The following KDM4B variants were observed in gnomAD, a reference collection of about 807,000 sequenced individuals.
The protein encoded by KDM4B is lysine demethylase 4B.
KDM4B carries 32 observed loss-of-function variants against 125.2 expected under a neutral mutation model. The ratio of observed to expected loss-of-function variants is 0.26; its 90% CI spans 0.19 to 0.34. The LOEUF (loss-of-function observed/expected upper bound fraction) is 0.34. Among genes scored for constraint, KDM4B ranks in the 10% least tolerant of loss-of-function variants. The pLI is 1.00. For synonymous variants in KDM4B, 721 were observed against 677.9 expected, an observed-to-expected ratio of 1.06 and a Z score of -0.99; for missense variants, 1,190 against 1,577.7, an observed-to-expected ratio of 0.75 and a Z score of 4.16.
rs531833164 is a variant in KDM4B at position 5,114,940 on chromosome 19, G to C, written c.1115+4122G>C. Among the ~76,000 whole-genome samples the C allele has an allele frequency of 4.7e-4, 71 of 152,380 alleles. No homozygotes were observed. Among genetic ancestry groups the C allele is most frequent in the African/African-American group, 1.7e-3 (69 of 41,588 alleles). On this transcript the variant is annotated intron_variant, in intron 10 of 22. Transcript: ENST00000159111. The surrounding 1 kb of genome is among the most constrained non-coding windows in gnomAD (Gnocchi z 5.8). ...CATTTGGCTCATAGGAATGAGCCCA[G>C]CGGCGTCCAGTTAAGCCTGGCAGGC...
At chr19:5,017,704 G>T (rs2035935456) in intron 2 of KDM4B, among the ~76,000 whole-genome samples, 1 of 152,096 alleles carries the variant, frequency 6.6e-6, no homozygotes, top group Non-Finnish European at 1.5e-5. Context: ...AACCAAGTAA[G>T]CAACTTGCTC....
chr19:5,072,282 G>A (rs1437971482), intron 7 of KDM4B, among the ~76,000 whole-genome samples: 1 of 152,222 alleles, frequency 6.6e-6, no homozygotes, highest in African/African-American at 2.4e-5. Context: ...CAGGAGTCAC[G>A]TGGCTGTGCA....
Position 5,119,735 on chromosome 19 carries a change from C to A in KDM4B, c.1198C>A (p.Leu400Ile). The change falls in exon 11 of 23, where the codon CTC becomes ATC. Residue 400 changes from leucine (L) to isoleucine (I), a missense_variant. Physicochemically the swap from Leu to Ile is conservative, Grantham distance 5 (BLOSUM62 2). Transcript: ENST00000159111. ...FPGEGTAGAA[L>I]LEEAGGSVKE... is the part of the protein sequence containing the mutation. ...TGGGGAGGGTACGGCTGGGGCAGCG[C>A]TCCTAGAGGAGGCTGGGGGCAGCGT... is the stretch of plus-strand genomic sequence containing the variant. 6.4e-7 allele frequency: 1 copy of A among 1,550,450 alleles called. No individual in the cohort carries two copies. The highest frequency in any genetic ancestry group is 8.7e-7 in the Non-Finnish European group (1 of 1,146,882).
chr19:5,096,633 G>A (rs570307392), intron 9 of KDM4B, among the ~76,000 whole-genome samples: 3 of 150,332 alleles, frequency 2.0e-5, no homozygotes, highest in Admixed American at 1.3e-4. Flanking sequence ...TGTCGGTGGT[G>A]CGTGTTGCCA....
chr19:5,145,734 C>G (rs924620678), intron 21 of KDM4B, among the ~76,000 whole-genome samples: 1 of 152,148 alleles, frequency 6.6e-6, no homozygotes, highest in Non-Finnish European at 1.5e-5. Context: ...CGGGAGGAGG[C>G]GACAGCTTGT....
At chr19:5,100,065 A>G (rs2145946936) in intron 9 of KDM4B, among the ~76,000 whole-genome samples, 1 of 152,374 alleles carries the variant, frequency 6.6e-6, no homozygotes, top group South Asian at 2.1e-4. Context: ...CTGCTGGCAC[A>G]AAGATGCTCC....
chr19:5,094,195 C>T (rs149739139), intron 9 of KDM4B, among the ~76,000 whole-genome samples: 175 of 152,306 alleles, frequency 1.1e-3, no homozygotes, highest in Non-Finnish European at 1.7e-3. Flanking sequence ...TGCTGACCCC[C>T]GGCAGGCCCT....
intron 9 of KDM4B, among the ~76,000 whole-genome samples, chr19:5,089,669 C>T (rs1253456949): frequency 6.6e-6 from 1 of 150,430 alleles, no homozygotes; most frequent in African/African-American, 2.5e-5. Flanking sequence ...TATGCACTAA[C>T]TTCTCAATAT....
chr19:5,128,689 C>A (rs2613803), intron 11 of KDM4B, among the ~76,000 whole-genome samples: 56 of 152,270 alleles, frequency 3.7e-4, no homozygotes, highest in African/African-American at 1.3e-3. Flanking sequence ...CGGCCCCTCC[C>A]CTCTGCATCT....
intron 12 of KDM4B, 104 bp downstream of exon 12, chr19:5,131,649 A>AGGGGGGGTGGGGCAG (rs1487315370): frequency 1.3e-5 from 3 of 232,686 alleles, no homozygotes; most frequent in African/African-American, 4.4e-5. Context: ...GGGAGGGGGC[A>AGGGGGGGTGGGGCAG]GGGAGGAGGG....
intron 10 of KDM4B, chr19:5,111,278 C>T (rs1050960087): frequency 1.3e-4 from 91 of 692,622 alleles, no homozygotes; most frequent in Admixed American, 1.0e-3. Context: ...AAGGACTCAA[C>T]GGGGCATCAG....
chr19:5,011,816 CT>C (rs2035736471), intron 1 of KDM4B, among the ~76,000 whole-genome samples: 2 of 152,244 alleles, frequency 1.3e-5, no homozygotes, highest in Non-Finnish European at 2.9e-5. Flanking sequence ...AGAGTACCTC[CT>C]TTTGGGGGGT....
intron 1 of KDM4B, among the ~76,000 whole-genome samples, chr19:5,004,479 C>T (rs116974897): frequency 0.019 from 2,881 of 152,272 alleles, 48 homozygotes; most frequent in Middle Eastern, 0.065. Context: ...ATCGTCAGGC[C>T]CACCCCAGCC....
chr19:5,011,524 T>C (rs1456686554), intron 1 of KDM4B, among the ~76,000 whole-genome samples: 4 of 152,090 alleles, frequency 2.6e-5, no homozygotes, highest in Admixed American at 6.5e-5. Flanking sequence ...GCTGAAGACT[T>C]GGGTGGGAGG....
intron 11 of KDM4B, among the ~76,000 whole-genome samples, chr19:5,127,946 A>C (rs2039476694): frequency 1.0e-5 from 1 of 97,910 alleles, no homozygotes; most frequent in Non-Finnish European, 2.1e-5. Flanking sequence ...CTGAGCAGGC[A>C]CCTGTGGTCT....
At chr19:5,060,356 G>A (rs75702853) in intron 6 of KDM4B, among the ~76,000 whole-genome samples, 8 of 148,648 alleles carry the variant, frequency 5.4e-5, no homozygotes, top group Non-Finnish European at 8.9e-5. Context: ...GGAGAATGGC[G>A]TGAACCCGGG....
intron 9 of KDM4B, among the ~76,000 whole-genome samples, chr19:5,087,789 AGTAT>A (rs2145898627): frequency 6.6e-6 from 1 of 152,300 alleles, no homozygotes; most frequent in East Asian, 1.9e-4. Flanking sequence ...ACAGGTGTTA[AGTAT>A]CTCAGAGCCA....
At chr19:5,061,839 A>C (rs934644019) in intron 6 of KDM4B, among the ~76,000 whole-genome samples, 4 of 151,816 alleles carry the variant, frequency 2.6e-5, no homozygotes, top group South Asian at 2.1e-4. Flanking sequence ...AAAAAAAAAA[A>C]ACAAAAAACA....
At chr19:4,986,813 C>T (rs906153183) in intron 1 of KDM4B, among the ~76,000 whole-genome samples, 5 of 152,194 alleles carry the variant, frequency 3.3e-5, no homozygotes, top group African/African-American at 7.2e-5. Flanking sequence ...CGGAACGAGG[C>T]GCAGCTCACT....
Sources: gnomAD v4.1 joint callset for allele counts (sites outside exome capture counted in the v4.1 genomes callset) on GRCh38, gnomAD v4.1.1 for gene constraint, Gnocchi (gnomAD v3.1) non-coding constraint, MANE v1.5 for transcripts, NCBI Gene and HGNC (gene_info 2026-07-23, HGNC 2026-07-21) for gene names.